Variants in NUP107 observed in about 807,000 individuals in gnomAD.
NUP107 encodes the protein nucleoporin 107.
In NUP107, 101 loss-of-function variants were observed where a neutral mutation model predicts 141.0. That is an observed-to-expected ratio of 0.72 (90% confidence interval 0.61 to 0.84). NUP107 has a LOEUF of 0.84. Ranked by LOEUF, NUP107 falls within the 40% of genes least tolerant of loss-of-function variation. The pLI is 0.00. For missense variants in NUP107, 941 were observed against 1,102.7 expected (o/e 0.85, Z 2.08); for synonymous variants, 319 against 363.9 (o/e 0.88, Z 1.41).
At chr12:68,709,955 C>T in intron 9 of NUP107, 50 bp from the exon 10 acceptor site, 1 of 1,070,762 alleles carries the variant, frequency 9.3e-7, no homozygotes, top group Non-Finnish European at 1.4e-6. Context: ...AAATAAAACA[C>T]AAATAGATTT....
At position 68,724,936 on chromosome 12, in the gene NUP107, A is replaced by G. The variant is rs146854492; in HGVS notation, c.1507-791A>G. Reference sequence around the variant, plus strand: ...ATAGATGAGTGGAACACAAAGTCCAAACTAGATCCAAGTATATATGAGAAC... The same window carrying G: ...ATAGATGAGTGGAACACAAAGTCCAGACTAGATCCAAGTATATATGAGAAC... On this transcript the variant is annotated intron_variant, in intron 17 of 27. Coordinates refer to ENST00000229179, the MANE Select transcript of NUP107 (RefSeq NM_020401.4). Among the ~76,000 whole-genome samples the G allele has an allele frequency of 3.2e-3, 491 of 152,356 alleles. 4 individuals carry two copies. The highest frequency in any genetic ancestry group is 4.8e-3 in the Non-Finnish European group (327 of 68,036).
intron 5 of NUP107, 72 bp from the exon 6 acceptor site, chr12:68,696,747 A>G (rs774506786): frequency 2.5e-6 from 2 of 812,120 alleles, no homozygotes; most frequent in Non-Finnish European, 3.9e-6. Context: ...ACATTTTCAA[A>G]CAAACGGAAT....
chr12:68,708,174 G>A (rs1402740828), intron 8 of NUP107, among the ~76,000 whole-genome samples: 3 of 152,022 alleles, frequency 2.0e-5, no homozygotes, highest in Admixed American at 6.6e-5. Flanking sequence ...TGGTATCCAC[G>A]AGGGGTCCTG....
Position 68,719,608 on chromosome 12 carries a change from C to T in NUP107, c.1205C>T (p.Pro402Leu), listed in dbSNP as rs1331880195. The change falls in exon 14 of 28, where the codon CCA (proline) becomes CTA (leucine). Residue 402 changes from proline to leucine, a missense_variant. By Grantham distance (98) the Pro-to-Leu change is moderately conservative (BLOSUM62 -3). Coordinates refer to ENST00000229179, the MANE Select transcript of NUP107 (RefSeq NM_020401.4). ...GAATTAGAACCTGTTGAAGGGAATC[C>T]ATATAGACGCATTTGGAAAATAAGT... Reference protein sequence around the residue: ...GTELEPVEGNPYRRIWKISCW... With the variant: ...GTELEPVEGNLYRRIWKISCW... 1 of 1,613,006 alleles carries T rather than the reference C, an allele frequency of 6.2e-7. No homozygotes were observed. Among genetic ancestry groups the T allele is most frequent in the African/African-American group, 1.3e-5 (1 of 74,972 alleles).
intron 6 of NUP107, among the ~76,000 whole-genome samples, chr12:68,697,804 T>C (rs2431659): frequency 0.97 from 148,173 of 152,132 alleles, 72,255 homozygotes; most frequent in East Asian, 1. Flanking sequence ...CCGAGGTGGG[T>C]GGATCACTGC....
In NUP107 at chr12:68,721,081, CAA is replaced by C. The variant is rs746047925; in HGVS notation, c.1252-36_1252-35del. The C allele has an allele frequency of 5.1e-6, 7 of 1,382,844 alleles. No individual in the cohort carries two copies. In the East Asian group the frequency reaches 9.2e-5, roughly 18 times the overall value. The allele number at this position is 1,382,844 out of a possible 1,614,324, so 85.7% of individuals were successfully genotyped here. A position where few individuals can be genotyped will look rare whatever the true frequency, so the allele number is the denominator to read the frequency against. ...AGGAAAATTGACATACTAAGAAAAA[CAA>C]TATTTCAAATTTGTTTATATTCATT... On this transcript the variant is annotated intron_variant, in intron 14 of 27. Coordinates refer to ENST00000229179, the MANE Select transcript of NUP107 (RefSeq NM_020401.4).
chr12:68,687,231 G>C, intron 1 of NUP107, 158 bp downstream of exon 1: 2 of 1,048,520 alleles, frequency 1.9e-6, no homozygotes, highest in Non-Finnish European at 2.8e-6. Flanking sequence ...CCACAAATGG[G>C]GAAAAAGCCG....
At chr12:68,731,512 T>C in intron 21 of NUP107, 95 bp from the exon 22 acceptor site, 2 of 659,730 alleles carry the variant, frequency 3.0e-6, no homozygotes, top group Non-Finnish European at 4.8e-6. Flanking sequence ...TTTAAGGAAT[T>C]ACTGTTCCAA....
chr12:68,745,058 G>A lies in NUP107; in HGVS notation c.*2596G>A, dbSNP rs376376475. The A allele has an allele frequency of 6.6e-6, 1 of 152,192 alleles. No individual in the cohort carries two copies. Among genetic ancestry groups the A allele is most frequent in the East Asian group, 1.9e-4 (1 of 5,198 alleles). The allele number at this position is 152,192 out of a possible 1,614,324, so 9.4% of individuals were successfully genotyped here. ...GTTGGAACAGGCATGTCCTGGGTGT[G>A]AAAGTTTTAATTTCCCTACCTCATT... On this transcript the variant is annotated 3_prime_UTR_variant, in exon 28 of 28. Coordinates refer to ENST00000229179, the MANE Select transcript of NUP107 (RefSeq NM_020401.4).
intron 18 of NUP107, among the ~76,000 whole-genome samples, chr12:68,726,043 C>T (rs1176287505): frequency 6.6e-6 from 1 of 151,938 alleles, no homozygotes; most frequent in Admixed American, 6.6e-5. Flanking sequence ...CGCTGTTGGC[C>T]AGGCTGGTCT....
In NUP107 at chr12:68,733,560, C is replaced by T. The variant is rs1240914330; in HGVS notation, c.2210C>T (p.Pro737Leu). 7 of 1,612,794 alleles carry T rather than the reference C, an allele frequency of 4.3e-6. No homozygotes were observed. The highest frequency in any genetic ancestry group is 3.4e-6 in the Non-Finnish European group (4 of 1,179,240). Reference protein sequence around the residue: ...CEEQGMESPLPAEDDNAIREH... With the variant: ...CEEQGMESPLLAEDDNAIREH... The stretch of plus-strand genomic sequence containing the variant: ...GAACAAGGAATGGAAAGTCCACTTC[C>T]TGCTGAAGATGATAATGCTATCCGA... Residue 737 changes from proline (P) to leucine (L), a missense_variant, in exon 24 of 28, where the codon CCT (proline) becomes CTT (leucine). Transcript: ENST00000229179.
intron 10 of NUP107, among the ~76,000 whole-genome samples, chr12:68,710,765 T>C (rs2136018965): frequency 6.6e-6 from 1 of 152,218 alleles, no homozygotes; most frequent in Non-Finnish European, 1.5e-5. Context: ...TTGCATAACA[T>C]TTACGTTGTA....
chr12:68,713,840 A>G, intron 11 of NUP107, 32 bp downstream of exon 11: 1 of 1,546,786 alleles, frequency 6.5e-7, no homozygotes, highest in Non-Finnish European at 8.8e-7. Context: ...AGTTGCCTTC[A>G]AAGTTAACTG....
intron 20 of NUP107, among the ~76,000 whole-genome samples, chr12:68,730,615 TCCACGGTTCA>T (rs1877780298): frequency 6.6e-6 from 1 of 152,142 alleles, no homozygotes; most frequent in African/African-American, 2.4e-5. Context: ...TCGAAAAAAA[TCCACGGTTCA>T]AACCTGTGCA....
intron 10 of NUP107, among the ~76,000 whole-genome samples, chr12:68,712,476 A>G (rs1876905504): frequency 6.6e-6 from 1 of 150,940 alleles, no homozygotes; most frequent in Non-Finnish European, 1.5e-5. Flanking sequence ...GAATTCAGTA[A>G]TATGTGTACA....
intron 26 of NUP107, among the ~76,000 whole-genome samples, chr12:68,741,355 A>G (rs1256175921): frequency 1.3e-5 from 2 of 152,054 alleles, no homozygotes; most frequent in Non-Finnish European, 2.9e-5. Context: ...TATAAATTCC[A>G]TTTTCCATGT....
At chr12:68,725,027 G>A (rs181287656) in intron 17 of NUP107, among the ~76,000 whole-genome samples, 5 of 152,182 alleles carry the variant, frequency 3.3e-5, no homozygotes, top group African/African-American at 7.2e-5. Flanking sequence ...AATAAATGGC[G>A]CTGGCATAAT....
At chr12:68,718,845 ATTAT>A (rs1418674123) in intron 12 of NUP107, among the ~76,000 whole-genome samples, 1 of 129,180 alleles carries the variant, frequency 7.7e-6, no homozygotes, top group Admixed American at 8.1e-5. Context: ...ATAGAATGCC[ATTAT>A]GTATGTATGT....
chr12:68,727,316 G>A (rs779627646), intron 19 of NUP107, 35 bp from the exon 20 acceptor site: 3 of 1,109,630 alleles, frequency 2.7e-6, no homozygotes, highest in Non-Finnish European at 4.0e-6. Flanking sequence ...CATATAAGCA[G>A]TGTATTTATA....
Sources: gnomAD v4.1 joint callset for allele counts (sites outside exome capture counted in the v4.1 genomes callset) on GRCh38, gnomAD v4.1.1 for gene constraint, MANE v1.5 for transcripts, NCBI Gene and HGNC (gene_info 2026-07-23, HGNC 2026-07-21) for gene names.